Variants in LONP2 observed in about 807,000 individuals in gnomAD.
LONP2 encodes lon peptidase 2, peroxisomal.
LONP2 carries 60 observed loss-of-function variants against 85.6 expected under a neutral mutation model. The observed-to-expected ratio is 0.70, with a 90% CI of 0.57 to 0.87. The LOEUF (loss-of-function observed/expected upper bound fraction) is 0.87, where lower values mean the gene tolerates loss of function less well. Ranked by LOEUF, LONP2 falls within the 40% of genes least tolerant of loss-of-function variation. LONP2 has a pLI of 0.00. For synonymous variants in LONP2, 395 were observed against 389.7 expected (o/e 1.01, Z -0.16); for missense variants, 860 against 1,063.5 (o/e 0.81, Z 2.66).
At chr16:48,272,166 G>A (rs1972119000) in intron 7 of LONP2, among the ~76,000 whole-genome samples, 4 of 152,118 alleles carry the variant, frequency 2.6e-5, no homozygotes, top group Admixed American at 2.6e-4. Context: ...CTAAAAATTA[G>A]CTTTAACCAT....
chr16:48,246,705 G>T (rs1596891401), intron 1 of LONP2, among the ~76,000 whole-genome samples: 1 of 152,182 alleles, frequency 6.6e-6, no homozygotes, highest in Middle Eastern at 3.4e-3. Flanking sequence ...TTCTGGAGTG[G>T]CTGGGACTAT....
At chr16:48,284,104 A>G (rs1480518251) in intron 8 of LONP2, among the ~76,000 whole-genome samples, 2 of 152,228 alleles carry the variant, frequency 1.3e-5, no homozygotes, top group African/African-American at 4.8e-5. Flanking sequence ...AAATACTGCA[A>G]TCTCATGGTA....
intron 1 of LONP2, among the ~76,000 whole-genome samples, chr16:48,245,177 T>C (rs1056218048): frequency 6.6e-6 from 1 of 152,130 alleles, no homozygotes; most frequent in Non-Finnish European, 1.5e-5. Context: ...CTTCTCCTTC[T>C]CCCCCTAATC....
chr16:48,249,601 C>T (rs967307992), intron 1 of LONP2, among the ~76,000 whole-genome samples: 9 of 151,966 alleles, frequency 5.9e-5, no homozygotes, highest in African/African-American at 1.9e-4. Context: ...CTAGGCTGGG[C>T]GAGGTGGGTC....
intron 8 of LONP2, among the ~76,000 whole-genome samples, chr16:48,295,219 A>G (rs1972642549): frequency 6.6e-6 from 1 of 152,190 alleles, no homozygotes; most frequent in Non-Finnish European, 1.5e-5. Flanking sequence ...TAAAAATACA[A>G]AAGTTAGCCA....
chr16:48,325,321 G>T (rs1343327872), intron 11 of LONP2, among the ~76,000 whole-genome samples: 2 of 152,162 alleles, frequency 1.3e-5, no homozygotes, highest in East Asian at 3.9e-4. Flanking sequence ...CCACAGCCTA[G>T]GGTTTGGGGA....
At chr16:48,255,211 G>C (rs924431912) in intron 2 of LONP2, among the ~76,000 whole-genome samples, 17 of 152,140 alleles carry the variant, frequency 1.1e-4, no homozygotes, top group African/African-American at 3.9e-4. Context: ...AGACTAGTGG[G>C]GGTTGTGTCT....
At chr16:48,269,108 T>C (rs1170756217) in intron 6 of LONP2, among the ~76,000 whole-genome samples, 2 of 152,150 alleles carry the variant, frequency 1.3e-5, no homozygotes, top group African/African-American at 2.4e-5. Flanking sequence ...TGTTGAAAGC[T>C]TGGCTCTAGA....
chr16:48,250,639 C>T (rs762614942), intron 1 of LONP2, among the ~76,000 whole-genome samples: 27 of 152,072 alleles, frequency 1.8e-4, no homozygotes, highest in Middle Eastern at 3.2e-3. Flanking sequence ...CCCTTTAGGC[C>T]GGGGATCCAG....
rs1319483318 is a variant in LONP2, at chr16:48,351,432, G to A, written c.2338-149G>A. ...AGGTTACTACTTATCCTTTTTCCTG[G>A]CTTTCCTAGCTCATGCTATAACAAA... is the stretch of plus-strand genomic sequence containing the variant. On this transcript the variant is annotated intron_variant, in intron 14 of 14. Transcript: ENST00000285737. 6.3e-6 allele frequency: 4 copies of A among 638,360 alleles called. No individual in the cohort carries two copies. In the African/African-American group the frequency reaches 7.3e-5, roughly 12 times the overall value. 39.5% of individuals were successfully genotyped at this position (638,360 alleles called of 1,614,324 possible).
At chr16:48,262,570 T>A (rs74016355) in intron 5 of LONP2, among the ~76,000 whole-genome samples, 2,085 of 152,302 alleles carry the variant, frequency 0.014, 48 homozygotes, top group African/African-American at 0.047. Flanking sequence ...AAGGGGCAGT[T>A]AAGTAGGCTG....
intron 11 of LONP2, among the ~76,000 whole-genome samples, chr16:48,316,921 T>C (rs1312506395): frequency 2.0e-5 from 3 of 152,216 alleles, no homozygotes; most frequent in Non-Finnish European, 4.4e-5. Context: ...ACTATTATCC[T>C]CTGAAAAGTG....
At chr16:48,274,923 C>T (rs373323442) in intron 7 of LONP2, among the ~76,000 whole-genome samples, 163 of 152,180 alleles carry the variant, frequency 1.1e-3, no homozygotes, top group African/African-American at 3.6e-3. Flanking sequence ...CTGCGGGAGC[C>T]GAGCCCTTTA....
At position 48,244,560 on chromosome 16, in the gene LONP2, G is replaced by A. The variant is rs1290699711; in HGVS notation, c.172G>A (p.Gly58Ser). ...CACGTCGCTGCAAAGCACCATCCTG[G>A]GCGTCATCCCCAACACGCCTGACCC... is the stretch of plus-strand genomic sequence containing the variant. ...KGTSLQSTILGVIPNTPDPAS... is the reference protein window; with the variant it reads ...KGTSLQSTILSVIPNTPDPAS... The change falls in exon 1 of 15, where the codon GGC becomes AGC. Residue 58 changes from glycine to serine, a missense_variant. Coordinates refer to ENST00000285737, the MANE Select transcript of LONP2 (RefSeq NM_031490.5). The A allele has an allele frequency of 6.5e-7, 1 of 1,535,942 alleles. No homozygotes were observed. The highest frequency in any genetic ancestry group is 8.7e-7 in the Non-Finnish European group (1 of 1,144,394).
chr16:48,315,417 A>G (rs953014601), intron 11 of LONP2, among the ~76,000 whole-genome samples: 8 of 152,212 alleles, frequency 5.3e-5, no homozygotes, highest in Admixed American at 3.3e-4. Flanking sequence ...GAAGAGTCCA[A>G]TGTCAAGGTG....
chr16:48,269,700 TA>T (rs954476601), intron 6 of LONP2, among the ~76,000 whole-genome samples: 15 of 152,046 alleles, frequency 9.9e-5, no homozygotes, highest in African/African-American at 3.1e-4. Flanking sequence ...CCCTTTTTTT[TA>T]AAAAACAAAT....
At chr16:48,318,856 C>T (rs1276687629) in intron 11 of LONP2, among the ~76,000 whole-genome samples, 1 of 152,196 alleles carries the variant, frequency 6.6e-6, no homozygotes, top group African/African-American at 2.4e-5. Context: ...GTTGTGGCTT[C>T]CTGCCATTGA....
Position 48,302,529 on chromosome 16 carries a change from G to A in LONP2, c.1662-643G>A, listed in dbSNP as rs926546373. ...ATAATGGTCTGTGGAATGACTTAAC[G>A]GAGTTTGATTCTAATGTACATGTGT... On this transcript the variant is annotated intron_variant, in intron 10 of 14. Coordinates refer to ENST00000285737, the MANE Select transcript of LONP2 (RefSeq NM_031490.5). Among the ~76,000 whole-genome samples, 22 of 152,290 alleles carry A rather than the reference G, an allele frequency of 1.4e-4. No homozygotes were observed. The South Asian group carries it at 2.3e-3, about 16-fold the overall frequency.
chr16:48,286,243 A>G (rs1375704340), intron 8 of LONP2, among the ~76,000 whole-genome samples: 2 of 149,380 alleles, frequency 1.3e-5, no homozygotes, highest in African/African-American at 5.0e-5. Context: ...CCAGGTTCAC[A>G]CCATTCTCCC....
Sources: allele counts gnomAD v4.1 joint callset (sites outside exome capture counted in the v4.1 genomes callset), GRCh38; gene constraint gnomAD v4.1.1; transcripts MANE v1.5; gene names NCBI Gene and HGNC (gene_info 2026-07-23, HGNC 2026-07-21).